C6orf52: variants seen among roughly 807,000 people sequenced by gnomAD.
C6orf52 encodes the protein putative uncharacterized protein C6orf52.
A neutral mutation model predicts 16.6 loss-of-function variants in C6orf52; 16 were observed. The observed-to-expected ratio is 0.96, with a 90% CI of 0.65 to 1.46. The LOEUF (loss-of-function observed/expected upper bound fraction) is 1.46, where lower values mean the gene tolerates loss of function less well. C6orf52 is among the 40% of genes most tolerant of loss of function. C6orf52 has a pLI of 0.00. For synonymous variants in C6orf52, 53 were observed against 61.4 expected, an observed-to-expected ratio of 0.86 and a Z score of 0.64; for missense variants, 166 against 182.3, an observed-to-expected ratio of 0.91 and a Z score of 0.52.
At chr6:10,690,688 G>A (rs62397701) in intron 1 of C6orf52, among the ~76,000 whole-genome samples, 3 of 152,172 alleles carry the variant, frequency 2.0e-5, no homozygotes, top group Non-Finnish European at 4.4e-5. Flanking sequence ...TCAGAGCATA[G>A]CTCAAGAGCA....
intron 3 of C6orf52, among the ~76,000 whole-genome samples, chr6:10,685,112 G>A (rs1295238540): frequency 6.6e-6 from 1 of 152,016 alleles, no homozygotes; most frequent in Non-Finnish European, 1.5e-5. Context: ...CAAGAGTGAC[G>A]AAAAAATCAA....
At chr6:10,687,301 GT>G (rs1200175995) in intron 2 of C6orf52, 137 bp from the exon 3 acceptor site, 7 of 786,778 alleles carry the variant, frequency 8.9e-6, no homozygotes, top group Non-Finnish European at 1.2e-5. Context: ...TAGATGACGG[GT>G]TGATGGGTGC....
At chr6:10,686,465 G>A (rs1322460301) in intron 3 of C6orf52, among the ~76,000 whole-genome samples, 2 of 152,138 alleles carry the variant, frequency 1.3e-5, no homozygotes, top group African/African-American at 4.8e-5. Flanking sequence ...ATACATCTTT[G>A]TGTGATTTGA....
intron 1 of C6orf52, among the ~76,000 whole-genome samples, chr6:10,693,087 A>T (rs1358854322): frequency 6.6e-6 from 1 of 152,192 alleles, no homozygotes; most frequent in Non-Finnish European, 1.5e-5. Flanking sequence ...GTTAAGCCCT[A>T]TTGTATGTAA....
chr6:10,673,425 C>A (rs1767596874), intron 4 of C6orf52, among the ~76,000 whole-genome samples: 1 of 152,214 alleles, frequency 6.6e-6, no homozygotes, highest in Non-Finnish European at 1.5e-5. Context: ...TGTTGTCCAA[C>A]ACAGTAGCCA....
At chr6:10,689,293 AC>A (rs1769097339) in intron 1 of C6orf52, among the ~76,000 whole-genome samples, 1 of 152,190 alleles carries the variant, frequency 6.6e-6, no homozygotes, top group African/African-American at 2.4e-5. Flanking sequence ...TCAGTCCACG[AC>A]TGGTTGCATC....
intron 1 of C6orf52, among the ~76,000 whole-genome samples, chr6:10,692,022 T>G (rs1038344924): frequency 9.9e-5 from 15 of 152,164 alleles, no homozygotes; most frequent in African/African-American, 3.6e-4. Context: ...AAGCTAAAAT[T>G]TATTTTAAAA....
At chr6:10,672,780 A>AAAG (rs1561863740) in intron 4 of C6orf52, 1 of 531,666 alleles carries the variant, frequency 1.9e-6, no homozygotes, top group East Asian at 3.1e-5. Context: ...CCCTCGCCAG[A>AAAG]AACCAAATTA....
At chr6:10,694,050 G>A (rs1369283822) in intron 1 of C6orf52, among the ~76,000 whole-genome samples, 1 of 151,980 alleles carries the variant, frequency 6.6e-6, no homozygotes, top group Non-Finnish European at 1.5e-5. Context: ...ACCTGCGGTC[G>A]GGAGTTCAAA....
At chr6:10,677,414 A>G (rs2127462123) in intron 4 of C6orf52, among the ~76,000 whole-genome samples, 1 of 148,340 alleles carries the variant, frequency 6.7e-6, no homozygotes, top group African/African-American at 2.5e-5. Context: ...TTTGGTTACC[A>G]CAACTTTGTA....
chr6:10,691,573 G>A (rs1769313228), intron 1 of C6orf52, among the ~76,000 whole-genome samples: 1 of 152,008 alleles, frequency 6.6e-6, no homozygotes, highest in Admixed American at 6.6e-5. Flanking sequence ...GTCTGCTTGT[G>A]GATTTCATTT....
At chr6:10,681,088 C>A (rs1451022330) in intron 4 of C6orf52, among the ~76,000 whole-genome samples, 1 of 152,178 alleles carries the variant, frequency 6.6e-6, no homozygotes, top group Non-Finnish European at 1.5e-5. Flanking sequence ...TAGGCATTAT[C>A]CACCAGGCCT....
chr6:10,692,752 G>A (rs1344582697), intron 1 of C6orf52, among the ~76,000 whole-genome samples: 1 of 152,136 alleles, frequency 6.6e-6, no homozygotes. Flanking sequence ...ACAGAGTCCT[G>A]ACCTCAAGCA....
chr6:10,687,122 G>C lies in C6orf52; in HGVS notation c.114C>G (p.Ser38Arg). Reference sequence around the variant, plus strand: ...ACCAGTTGCCATAGCGGTAACTCTGGCTGGGCTGGAACTCCTGCTTCACTC... The same window carrying C: ...ACCAGTTGCCATAGCGGTAACTCTGCCTGGGCTGGAACTCCTGCTTCACTC... ...AIRVKQEFQP[S>R]QSYRYGNWYA... Residue 38 changes from serine (S) to arginine (R), a missense_variant, in exon 3 of 5, where the codon AGC (serine) becomes AGG (arginine). Coordinates refer to ENST00000259983, the MANE Select transcript of C6orf52 (RefSeq NM_001145020.3). 6.4e-7 allele frequency: 1 copy of C among 1,551,880 alleles called. No individual in the cohort carries two copies. Among genetic ancestry groups the C allele is most frequent in the Non-Finnish European group, 8.7e-7 (1 of 1,146,956 alleles).
At chr6:10,687,641 A>C (rs1768973793) in intron 1 of C6orf52, 80 bp from the exon 2 acceptor site, 3 of 814,342 alleles carry the variant, frequency 3.7e-6, no homozygotes, top group Non-Finnish European at 6.2e-6. Context: ...CTCAATCCTG[A>C]CAAATAAGTC....
chr6:10,679,370 C>T (rs1405970891), intron 4 of C6orf52, among the ~76,000 whole-genome samples: 3 of 147,762 alleles, frequency 2.0e-5, no homozygotes, highest in Non-Finnish European at 3.0e-5. Flanking sequence ...AACCCGGAGA[C>T]GGAGGTTGCA....
Position 10,692,541 on chromosome 6 carries a change from A to C in C6orf52, c.-12+1953T>G, listed in dbSNP as rs1447524691. 6.6e-5 allele frequency among the ~76,000 whole-genome samples: 10 copies of C among 152,118 alleles called. No homozygotes were observed. In the East Asian group the frequency reaches 1.9e-3, roughly 29 times the overall value. ...CTGCAATCTCCACCTCCCTAATTCA[A>C]GCGATTCTCCCGCCTCACCCTCCCG... On this transcript the variant is annotated intron_variant, in intron 1 of 4. Transcript: ENST00000259983.
At chr6:10,679,106 T>G (rs115451660) in intron 4 of C6orf52, among the ~76,000 whole-genome samples, 2,130 of 149,172 alleles carry the variant, frequency 0.014, 47 homozygotes, top group African/African-American at 0.048. Context: ...AAAAATAAAA[T>G]AAAAGAACAA....
At chr6:10,678,623 A>T (rs1334121299) in intron 4 of C6orf52, among the ~76,000 whole-genome samples, 1 of 152,112 alleles carries the variant, frequency 6.6e-6, no homozygotes, top group Non-Finnish European at 1.5e-5. Flanking sequence ...AGTCACATGA[A>T]TTTTTTGTTT....
Sources: allele counts gnomAD v4.1 joint callset (sites outside exome capture counted in the v4.1 genomes callset), GRCh38; gene constraint gnomAD v4.1.1; transcripts MANE v1.5; gene names NCBI Gene and HGNC (gene_info 2026-07-23, HGNC 2026-07-21).